The following LIPJ variants were observed in gnomAD, a reference collection of about 807,000 sequenced individuals.
LIPJ encodes lipase family member J.
A neutral mutation model predicts 39.8 loss-of-function variants in LIPJ; 33 were observed. The observed-to-expected ratio is 0.83, with a 90% CI of 0.63 to 1.11. The LOEUF (loss-of-function observed/expected upper bound fraction) is 1.11. Among genes scored for constraint, LIPJ ranks in the 50% least tolerant of loss-of-function variants. LIPJ has a pLI of 0.00. For missense variants in LIPJ, 422 were observed against 427.9 expected (o/e 0.99, Z 0.12); for synonymous variants, 128 against 139.2 (o/e 0.92, Z 0.57).
At chr10:88,610,403 T>G (rs1851733772), downstream of LIPJ, among the ~76,000 whole-genome samples, 1 of 152,162 alleles carries the variant, frequency 6.6e-6, no homozygotes, top group Non-Finnish European at 1.5e-5. Context: ...ATGAAAATAT[T>G]TAAATACTTA....
rs189676286 is a variant in LIPJ at position 88,599,712 on chromosome 10, T to C, written c.723+2776T>C. Reference sequence around the variant, plus strand: ...ATACACACACACACACACACACACATATATATATATACACATCTTCAATCT... The same window carrying C: ...ATACACACACACACACACACACACACATATATATATACACATCTTCAATCT... On this transcript the variant is annotated intron_variant, in intron 8 of 10. Transcript: ENST00000371939. Among the ~76,000 whole-genome samples, 1,384 of 142,310 alleles carry C rather than the reference T, an allele frequency of 9.7e-3. 20 individuals carry two copies. The highest frequency in any genetic ancestry group is 0.027 in the African/African-American group (1,094 of 39,860). The allele number at this position is 142,310 out of a possible 152,430, so 93.4% of individuals were successfully genotyped here.
At chr10:88,613,799 T>TATATATAG in the LIPJ span, among the ~76,000 whole-genome samples, 1 of 46,488 alleles carries the variant, frequency 2.2e-5, no homozygotes, top group Non-Finnish European at 3.6e-5. Context: ...TATATATATA[T>TATATATAG]ATGTGTGTGT....
intron 4 of LIPJ, chr10:88,592,992 TAA>T (rs969768608): frequency 6.6e-6 from 1 of 151,936 alleles, no homozygotes; most frequent in Non-Finnish European, 1.5e-5. Context: ...CCCTAGGGGC[TAA>T]CATATTCATA....
downstream of LIPJ, among the ~76,000 whole-genome samples, chr10:88,607,432 T>C (rs1329107321): frequency 6.6e-6 from 1 of 152,134 alleles, no homozygotes; most frequent in East Asian, 1.9e-4. Flanking sequence ...AGGGAGATCA[T>C]AGAAACCGTA....
chr10:88,583,839 C>A (rs1172481117), upstream of LIPJ: 14 of 523,032 alleles, frequency 2.7e-5, no homozygotes, highest in Non-Finnish European at 3.4e-5. Flanking sequence ...ACAGTTGATT[C>A]ATCAGAAAAT....
intron 4 of LIPJ, 156 bp downstream of exon 4, chr10:88,591,654 C>A: frequency 2.0e-6 from 1 of 506,546 alleles, no homozygotes; most frequent in East Asian, 3.5e-5. Context: ...AAGAGTCACA[C>A]AAGAAGATAC....
intron 2 of LIPJ, among the ~76,000 whole-genome samples, chr10:88,587,875 C>T (rs1850958848): frequency 6.6e-6 from 1 of 151,940 alleles, no homozygotes; most frequent in Non-Finnish European, 1.5e-5. Flanking sequence ...GTGATTACTT[C>T]TATGATATCT....
At chr10:88,602,433 A>C in intron 8 of LIPJ, 143 bp from the exon 9 acceptor site, 1 of 532,028 alleles carries the variant, frequency 1.9e-6, no homozygotes, top group South Asian at 2.8e-5. Flanking sequence ...TTTAATTAAA[A>C]TAATTTGATG....
intron 8 of LIPJ, among the ~76,000 whole-genome samples, chr10:88,597,615 A>G (rs1474337973): frequency 2.6e-5 from 4 of 151,918 alleles, no homozygotes; most frequent in Non-Finnish European, 4.4e-5. Context: ...CATTCAAAGA[A>G]AGATAGGTAT....
At chr10:88,618,219 C>T in the LIPJ span, 1 of 149,278 alleles carries the variant, frequency 6.7e-6, no homozygotes, top group South Asian at 2.1e-4. Flanking sequence ...TGGTAGATAC[C>T]TTGTTTTATC....
At chr10:88,606,162 A>G (rs892078753) in intron 10 of LIPJ, among the ~76,000 whole-genome samples, 2 of 152,202 alleles carry the variant, frequency 1.3e-5, no homozygotes, top group African/African-American at 4.8e-5. Context: ...TTGAAGTACT[A>G]GAACCCAAGT....
chr10:88,599,000 T>G (rs1851365874), intron 8 of LIPJ, among the ~76,000 whole-genome samples: 1 of 144,266 alleles, frequency 6.9e-6, no homozygotes, highest in Non-Finnish European at 1.5e-5. Flanking sequence ...AATATTATAT[T>G]ATATTATAAT....
At chr10:88,591,327 C>G in intron 3 of LIPJ, 51 bp from the exon 4 acceptor site, 1 of 1,476,562 alleles carries the variant, frequency 6.8e-7, no homozygotes, top group Non-Finnish European at 9.2e-7. Flanking sequence ...AACCATTCAA[C>G]TTAATTGGAT....
At chr10:88,616,839 T>C in the LIPJ span, among the ~76,000 whole-genome samples, 2 of 152,166 alleles carry the variant, frequency 1.3e-5, no homozygotes, top group South Asian at 4.1e-4. Context: ...GGCTACAGTC[T>C]CTAGAGGACT....
At chr10:88,600,021 C>A (rs112571576) in intron 8 of LIPJ, among the ~76,000 whole-genome samples, 1 of 151,732 alleles carries the variant, frequency 6.6e-6, no homozygotes, top group Non-Finnish European at 1.5e-5. Context: ...TAATACTTTA[C>A]TTTATCTTCT....
At chr10:88,616,489 C>T in the LIPJ span, among the ~76,000 whole-genome samples, 16 of 152,352 alleles carry the variant, frequency 1.1e-4, no homozygotes, top group African/African-American at 3.1e-4. Context: ...GCTCAGTTGG[C>T]GCCGAGCGCC....
chr10:88,613,895 A>G, the LIPJ span, among the ~76,000 whole-genome samples: 1 of 146,876 alleles, frequency 6.8e-6, no homozygotes, highest in Admixed American at 6.8e-5. Flanking sequence ...TATATATGTA[A>G]AAATTATATA....
intron 4 of LIPJ, 82 bp from the exon 5 acceptor site, chr10:88,593,864 C>T: frequency 8.2e-7 from 1 of 1,225,776 alleles, no homozygotes; most frequent in South Asian, 1.5e-5. Flanking sequence ...CTGTCATGTA[C>T]TAAAAGTTTG....
At position 88,596,839 on chromosome 10, in the gene LIPJ, T is replaced by A; in HGVS notation, c.626T>A (p.Phe209Tyr). The A allele has an allele frequency of 6.2e-7, 1 of 1,602,416 alleles. No homozygotes were observed. ...TTGCCTAAAACCTCATTTAAAAAAT[T>A]CATTGGTTCAAAGCTGTGTCCACTA... The change falls in exon 8 of 11, where the codon TTC becomes TAC. Residue 209 changes from phenylalanine (F) to tyrosine (Y), a missense_variant. Transcript: ENST00000371939.
Sources: allele counts gnomAD v4.1 joint callset (sites outside exome capture counted in the v4.1 genomes callset), GRCh38; gene constraint gnomAD v4.1.1; transcripts MANE v1.5; gene names NCBI Gene and HGNC (gene_info 2026-07-23, HGNC 2026-07-21).